ITGB3: variants seen among roughly 807,000 people sequenced by gnomAD.
The protein encoded by ITGB3 is integrin beta-3.
In ITGB3, 48 loss-of-function variants were observed where a neutral mutation model predicts 85.8. The ratio of observed to expected loss-of-function variants is 0.56; its 90% CI spans 0.44 to 0.71. The LOEUF (loss-of-function observed/expected upper bound fraction) is 0.71. ITGB3 is among the 30% of genes least tolerant of loss of function. The pLI is 0.00. For missense variants in ITGB3, 861 were observed against 1,019.1 expected (o/e 0.84, Z 2.11); for synonymous variants, 363 against 395.6 (o/e 0.92, Z 0.98).
Position 47,287,175 on chromosome 17 carries a change from AATGACGGGCAGTGTC to A in ITGB3, c.887_901del (p.Asp296_His300del), listed in dbSNP as rs1435104438. ...AAGGCTGGCAGGCATTGTCCAGCCT[AATGACGGGCAGTGTC>A]ATGTTGGTAGTGACAATCATTACTC... On this transcript the variant is annotated inframe_deletion, in exon 6 of 15. Coordinates refer to ENST00000559488, the MANE Select transcript of ITGB3 (RefSeq NM_000212.3). 4 of 1,614,008 alleles carry A rather than the reference AATGACGGGCAGTGTC, an allele frequency of 2.5e-6. No individual in the cohort carries two copies. The South Asian group carries it at 4.4e-5, about 18-fold the overall frequency.
intron 1 of ITGB3, among the ~76,000 whole-genome samples, chr17:47,255,303 T>G (rs1235565196): frequency 6.6e-6 from 1 of 150,650 alleles, no homozygotes; most frequent in Non-Finnish European, 1.5e-5. Flanking sequence ...AAAGGGAAGA[T>G]TTGTTGATAA....
chr17:47,276,468 T>G (rs1304810062), intron 2 of ITGB3, among the ~76,000 whole-genome samples: 1 of 152,046 alleles, frequency 6.6e-6, no homozygotes, highest in African/African-American at 2.4e-5. Flanking sequence ...GAGCATGACA[T>G]AGGACCAGCC....
At chr17:47,307,788 C>T in intron 14 of ITGB3, 151 bp downstream of exon 14, 1 of 773,198 alleles carries the variant, frequency 1.3e-6, no homozygotes, top group South Asian at 1.5e-5. Flanking sequence ...CTCACTATCC[C>T]CTTGTCCTTC....
chr17:47,255,699 C>T (rs941057077), intron 1 of ITGB3, among the ~76,000 whole-genome samples: 8 of 152,156 alleles, frequency 5.3e-5, no homozygotes, highest in African/African-American at 1.9e-4. Context: ...GGATTACAGG[C>T]GTGAGCCACC....
chr17:47,279,718 T>A (rs1312405419), intron 2 of ITGB3: 1 of 152,290 alleles, frequency 6.6e-6, no homozygotes, highest in African/African-American at 2.4e-5. Context: ...CTTGCTGCTC[T>A]CATCCAGTTT....
chr17:47,287,377 C>G, intron 6 of ITGB3, 146 bp downstream of exon 6: 1 of 794,284 alleles, frequency 1.3e-6, no homozygotes, highest in Non-Finnish European at 2.1e-6. Flanking sequence ...CTATCCCTTA[C>G]CAACTGGACA....
chr17:47,310,570 A>G lies in ITGB3; in HGVS notation c.*366A>G. ...CAGTGAGAAGCCAGCTTTCCTCATCAGGCCATTGTCCCTGAAGAGAAGGGC... is the reference window on the plus strand; with the variant it reads ...CAGTGAGAAGCCAGCTTTCCTCATCGGGCCATTGTCCCTGAAGAGAAGGGC... On this transcript the variant is annotated 3_prime_UTR_variant, in exon 15 of 15. Coordinates refer to ENST00000559488, the MANE Select transcript of ITGB3 (RefSeq NM_000212.3). 1 of 367,126 alleles carries G rather than the reference A, an allele frequency of 2.7e-6. No homozygotes were observed. Among genetic ancestry groups the G allele is most frequent in the Non-Finnish European group, 5.3e-6 (1 of 188,908 alleles). 22.7% of individuals were successfully genotyped at this position (367,126 alleles called of 1,614,324 possible).
chr17:47,299,656 C>T lies in ITGB3; in HGVS notation c.1913+126C>T, dbSNP rs974816137. 4 of 898,110 alleles carry T rather than the reference C, an allele frequency of 4.5e-6. No homozygotes were observed. The African/African-American group carries it at 6.6e-5, about 15-fold the overall frequency. 55.6% of individuals were successfully genotyped at this position (898,110 alleles called of 1,614,324 possible). A position where few individuals can be genotyped will look rare whatever the true frequency, so the allele number is the denominator to read the frequency against. On this transcript the variant is annotated intron_variant, in intron 11 of 14. Coordinates refer to ENST00000559488, the MANE Select transcript of ITGB3 (RefSeq NM_000212.3). The surrounding 1 kb of genome is among the most constrained non-coding windows in gnomAD (Gnocchi z 5.1). Reference sequence around the variant, plus strand: ...CCTTAGGGAGAGGAGTCCACTCCAGCCAGATGGCTGTCTCTCCTTTTGCCA... The same window carrying T: ...CCTTAGGGAGAGGAGTCCACTCCAGTCAGATGGCTGTCTCTCCTTTTGCCA...
At chr17:47,270,664 C>A (rs1189641377) in intron 1 of ITGB3, among the ~76,000 whole-genome samples, 1 of 152,196 alleles carries the variant, frequency 6.6e-6, no homozygotes, top group Non-Finnish European at 1.5e-5. Context: ...ATGGGCCTCA[C>A]GCTTACATTC....
At chr17:47,286,764 G>A (rs907711456) in intron 5 of ITGB3, among the ~76,000 whole-genome samples, 3 of 152,230 alleles carry the variant, frequency 2.0e-5, no homozygotes, top group African/African-American at 7.2e-5. Flanking sequence ...CAGCTCTGTG[G>A]ATGCACGTCA....
chr17:47,268,670 C>T (rs921628623), intron 1 of ITGB3, among the ~76,000 whole-genome samples: 9 of 152,248 alleles, frequency 5.9e-5, no homozygotes, highest in African/African-American at 1.9e-4. Context: ...TTGCAGGGTA[C>T]AGCCTCTCTC....
chr17:47,256,800 C>T (rs576574737), intron 1 of ITGB3, among the ~76,000 whole-genome samples: 1 of 152,244 alleles, frequency 6.6e-6, no homozygotes, highest in South Asian at 2.1e-4. Flanking sequence ...TTTATTCTGA[C>T]CTAATTAGGT....
chr17:47,289,802 A>G, intron 7 of ITGB3, 26 bp downstream of exon 7: 12 of 1,558,646 alleles, frequency 7.7e-6, no homozygotes, highest in Non-Finnish European at 1.1e-5. Context: ...GGCTTCCTGG[A>G]GTGGGCCCTG....
rs1470995831 is a variant in ITGB3 at position 47,307,409 on chromosome 17, A to G, written c.2135-62A>G. 1.9e-6 allele frequency: 3 copies of G among 1,580,920 alleles called. No homozygotes were observed. The Admixed American group carries it at 5.0e-5, about 26-fold the overall frequency. ...ACTTTGTCAAGAACACCTTTTTCATAGCCAGTTCAAGTGACTCCTGCTTCA... is the reference window on the plus strand; with the variant it reads ...ACTTTGTCAAGAACACCTTTTTCATGGCCAGTTCAAGTGACTCCTGCTTCA... On this transcript the variant is annotated intron_variant, in intron 13 of 14. Transcript: ENST00000559488.
Position 47,283,553 on chromosome 17 carries a change from G to A in ITGB3, c.361+4G>A, listed in dbSNP as rs774836519. 2.5e-6 allele frequency: 4 copies of A among 1,614,114 alleles called. No individual in the cohort carries two copies. The highest frequency in any genetic ancestry group is 2.2e-5 in the East Asian group (1 of 44,890). ...ATTGCACTCCGGCTCCGGCCAGGTA[G>A]GGCTGGGACTCTTTGCGGGGAGAGA... On this transcript the variant is annotated splice_donor_region_variant and intron_variant, in intron 3 of 14. Transcript: ENST00000559488.
intron 10 of ITGB3, among the ~76,000 whole-genome samples, chr17:47,296,322 C>A (rs1171090174): frequency 6.6e-6 from 1 of 152,340 alleles, no homozygotes; most frequent in East Asian, 1.9e-4. Context: ...CAGCCTTGAA[C>A]TCCTGGGCTC....
chr17:47,302,160 G>A (rs1309799157), intron 12 of ITGB3, among the ~76,000 whole-genome samples: 1 of 152,020 alleles, frequency 6.6e-6, no homozygotes, highest in East Asian at 1.9e-4. Context: ...AACACGGTGG[G>A]AGTCAGAGAA....
chr17:47,307,596 G>C lies in ITGB3; in HGVS notation c.2260G>C (p.Ala754Pro). ...LITIHDRKEF[A>P]KFEEERARAK... ...CACCATCCACGACCGAAAAGAATTC[G>C]CTAAATTTGAGGAAGAACGCGCCAG... Residue 754 changes from alanine to proline, a missense_variant, in exon 14 of 15, where the codon GCT (alanine) becomes CCT (proline). Coordinates refer to ENST00000559488, the MANE Select transcript of ITGB3 (RefSeq NM_000212.3). The C allele has an allele frequency of 1.9e-6, 3 of 1,614,192 alleles. No individual in the cohort carries two copies. Among genetic ancestry groups the C allele is most frequent in the Non-Finnish European group, 2.5e-6 (3 of 1,180,048 alleles).
chr17:47,285,544 G>A (rs538017382), intron 4 of ITGB3, among the ~76,000 whole-genome samples: 5 of 152,218 alleles, frequency 3.3e-5, no homozygotes, highest in Admixed American at 3.3e-4. Flanking sequence ...TTGAGCCTGG[G>A]AGGTTGAGGC....
Sources: gnomAD v4.1 joint callset for allele counts (sites outside exome capture counted in the v4.1 genomes callset) on GRCh38, gnomAD v4.1.1 for gene constraint, Gnocchi (gnomAD v3.1) non-coding constraint, MANE v1.5 for transcripts, NCBI Gene and HGNC (gene_info 2026-07-23, HGNC 2026-07-21) for gene names.